UBXN7: variants seen among roughly 807,000 people sequenced by gnomAD.
The protein encoded by UBXN7 is UBX domain-containing protein 7.
In UBXN7, 9 loss-of-function variants were observed where a neutral mutation model predicts 58.0. The ratio of observed to expected loss-of-function variants is 0.16; its 90% CI spans 0.09 to 0.27. The LOEUF is 0.27. UBXN7 is among the 10% of genes least tolerant of loss of function. The pLI, the probability that UBXN7 is intolerant of heterozygous loss-of-function variation, is 1.00. For synonymous variants in UBXN7, 208 were observed against 205.0 expected (o/e 1.01, Z -0.12); for missense variants, 328 against 599.6 (o/e 0.55, Z 4.73).
chr3:196,372,847 G>C (rs1259883888), intron 5 of UBXN7, among the ~76,000 whole-genome samples: 1 of 151,852 alleles, frequency 6.6e-6, no homozygotes, highest in Admixed American at 6.6e-5. Flanking sequence ...CTAGGTTCAA[G>C]TGATTCTTCT....
chr3:196,369,778 T>G (rs1728767538), intron 6 of UBXN7, among the ~76,000 whole-genome samples: 1 of 152,208 alleles, frequency 6.6e-6, no homozygotes, highest in South Asian at 2.1e-4. Flanking sequence ...CCTGCTCAAG[T>G]TATCTGTCAA....
chr3:196,391,791 C>G (rs551182541), intron 5 of UBXN7, 22 bp downstream of exon 5: 1 of 1,549,466 alleles, frequency 6.5e-7, no homozygotes, highest in South Asian at 1.2e-5. Flanking sequence ...ATAGTTAAGG[C>G]ACTGACTCTC....
chr3:196,398,663 G>C (rs542238179), intron 3 of UBXN7, among the ~76,000 whole-genome samples: 3 of 152,128 alleles, frequency 2.0e-5, no homozygotes, highest in Non-Finnish European at 4.4e-5. Context: ...TTTGAGATGA[G>C]GTCTGTCATC....
chr3:196,404,225 A>C (rs929916187), intron 2 of UBXN7, among the ~76,000 whole-genome samples: 1 of 151,680 alleles, frequency 6.6e-6, no homozygotes, highest in African/African-American at 2.4e-5. Flanking sequence ...TTATATAAGC[A>C]TGCAAATTCC....
intron 6 of UBXN7, 100 bp from the exon 7 acceptor site, chr3:196,369,611 TC>T (rs1728762883): frequency 3.7e-6 from 3 of 803,948 alleles, no homozygotes; most frequent in Non-Finnish European, 4.0e-6. Context: ...CAAATATACC[TC>T]CGGCCTATGT....
intron 5 of UBXN7, among the ~76,000 whole-genome samples, chr3:196,379,375 T>A (rs1204201705): frequency 6.6e-6 from 1 of 152,200 alleles, no homozygotes; most frequent in African/African-American, 2.4e-5. Flanking sequence ...TCTCATCCCA[T>A]GACTTAGAAT....
At chr3:196,402,727 T>C (rs1730031014) in intron 3 of UBXN7, among the ~76,000 whole-genome samples, 7 of 152,236 alleles carry the variant, frequency 4.6e-5, no homozygotes, top group Admixed American at 4.6e-4. Flanking sequence ...TAATTCTTTT[T>C]GCTAACGTCC....
chr3:196,401,823 G>GAGAGAAGAGAAAAGAGAAGAGA (rs1730000563), intron 3 of UBXN7, among the ~76,000 whole-genome samples: 1 of 120,314 alleles, frequency 8.3e-6, no homozygotes, highest in East Asian at 2.7e-4. Context: ...GAAAAGAGAA[G>GAGAGAAGAGAAAAGAGAAGAGA]AGAGAAGAGA....
intron 5 of UBXN7, among the ~76,000 whole-genome samples, chr3:196,379,169 ATGT>A (rs1169855439): frequency 1.0e-5 from 1 of 96,376 alleles, no homozygotes; most frequent in African/African-American, 4.4e-5. Flanking sequence ...GCTTCTTTCC[ATGT>A]TGGTTTTGGG....
chr3:196,402,805 G>A, intron 3 of UBXN7, 147 bp downstream of exon 3: 1 of 882,120 alleles, frequency 1.1e-6, no homozygotes, highest in Non-Finnish European at 1.7e-6. Context: ...AGTCAACTGT[G>A]CAACTTTCTT....
chr3:196,384,758 C>G (rs990792912), intron 5 of UBXN7, among the ~76,000 whole-genome samples: 2 of 152,230 alleles, frequency 1.3e-5, no homozygotes, highest in South Asian at 4.1e-4. Flanking sequence ...CAGCCCTTCA[C>G]GCTAAAAATT....
At chr3:196,400,599 A>G (rs911598023) in intron 3 of UBXN7, 1 of 186,884 alleles carries the variant, frequency 5.4e-6, no homozygotes, top group African/African-American at 2.4e-5. Context: ...CCACAAAACA[A>G]AACAATTAGC....
At chr3:196,402,249 G>A (rs976911006) in intron 3 of UBXN7, among the ~76,000 whole-genome samples, 3 of 152,070 alleles carry the variant, frequency 2.0e-5, no homozygotes, top group East Asian at 1.9e-4. Flanking sequence ...TTGAACTCCC[G>A]GCCTCGAGTG....
chr3:196,422,215 A>C (rs916891425), intron 1 of UBXN7, among the ~76,000 whole-genome samples: 1 of 152,040 alleles, frequency 6.6e-6, no homozygotes, highest in Non-Finnish European at 1.5e-5. Context: ...CAAAAAACAA[A>C]AAAGCCCAGG....
rs1160192376 is a variant in UBXN7 at position 196,354,891 on chromosome 3, A to T, written c.*1794T>A. The T allele has an allele frequency of 2.0e-5, 3 of 151,708 alleles. No individual in the cohort carries two copies. Among genetic ancestry groups the T allele is most frequent in the African/African-American group, 7.2e-5 (3 of 41,400 alleles). 9.4% of individuals were successfully genotyped at this position (151,708 alleles called of 1,614,324 possible). A position where few individuals can be genotyped will look rare whatever the true frequency, so the allele number is the denominator to read the frequency against. The stretch of plus-strand genomic sequence containing the variant: ...TACAATTATATACTTATACATAAGC[A>T]CTTACACAGACTTAGAAAAAAATTT... On this transcript the variant is annotated 3_prime_UTR_variant, in exon 11 of 11. Transcript: ENST00000296328.
At chr3:196,379,870 T>C (rs4446239) in intron 5 of UBXN7, among the ~76,000 whole-genome samples, 134,025 of 152,080 alleles carry the variant, frequency 0.88, 59,397 homozygotes, top group East Asian at 0.98. Flanking sequence ...ATGATGTTAC[T>C]GGAAAGGGGT....
At chr3:196,366,985 C>A (rs1354937367) in intron 8 of UBXN7, among the ~76,000 whole-genome samples, 1 of 152,120 alleles carries the variant, frequency 6.6e-6, no homozygotes, top group Non-Finnish European at 1.5e-5. Flanking sequence ...CAGTTTGAAA[C>A]CAGCCTGCCC....
intron 1 of UBXN7, among the ~76,000 whole-genome samples, chr3:196,429,789 C>A (rs908335720): frequency 6.6e-6 from 1 of 152,160 alleles, no homozygotes; most frequent in African/African-American, 2.4e-5. Context: ...TAGAAATTCA[C>A]AATATTTGAA....
chr3:196,410,254 T>A (rs1203702890), intron 1 of UBXN7, among the ~76,000 whole-genome samples: 1 of 152,164 alleles, frequency 6.6e-6, no homozygotes, highest in Non-Finnish European at 1.5e-5. Flanking sequence ...AAATGTTTTT[T>A]AAATACATAC....
Sources: gnomAD v4.1 joint callset for allele counts (sites outside exome capture counted in the v4.1 genomes callset) on GRCh38, gnomAD v4.1.1 for gene constraint, MANE v1.5 for transcripts, NCBI Gene and HGNC (gene_info 2026-07-23, HGNC 2026-07-21) for gene names.